Variants in THSD4 observed in about 807,000 individuals in gnomAD.
The protein encoded by THSD4 is thrombospondin type-1 domain-containing protein 4.
In THSD4, 69 loss-of-function variants were observed where a neutral mutation model predicts 119.0. The observed-to-expected ratio is 0.58, with a 90% CI of 0.48 to 0.71. THSD4 has a LOEUF of 0.71. Ranked by LOEUF, THSD4 falls within the 30% of genes least tolerant of loss-of-function variation. The pLI is 0.00. For synonymous variants in THSD4, 524 were observed against 540.4 expected (o/e 0.97, Z 0.42); for missense variants, 1,393 against 1,391.1 (o/e 1.00, Z -0.02).
At chr15:71,355,709 C>T (rs1252093411) in intron 6 of THSD4, among the ~76,000 whole-genome samples, 2 of 152,008 alleles carry the variant, frequency 1.3e-5, no homozygotes, top group Non-Finnish European at 2.9e-5. Flanking sequence ...GTGGAGAGCT[C>T]AATTAATGGA....
At chr15:71,341,482 G>C (rs1168592628) in intron 6 of THSD4, 3 of 1,613,322 alleles carry the variant, frequency 1.9e-6, no homozygotes, top group Non-Finnish European at 2.5e-6. Flanking sequence ...CTTGTGTCCA[G>C]CCCCACTGCT....
intron 7 of THSD4, among the ~76,000 whole-genome samples, chr15:71,478,234 C>G (rs753941425): frequency 2.6e-5 from 4 of 152,160 alleles, no homozygotes; most frequent in Non-Finnish European, 5.9e-5. Flanking sequence ...AGACCTGCCT[C>G]TAGGAAGTAT....
intron 7 of THSD4, among the ~76,000 whole-genome samples, chr15:71,487,915 T>C (rs1304894485): frequency 6.6e-6 from 1 of 152,040 alleles, no homozygotes; most frequent in African/African-American, 2.4e-5. Context: ...TTAATTTTTT[T>C]CCTCTTTGGG....
chr15:71,510,793 G>A (rs1471716377), intron 7 of THSD4, among the ~76,000 whole-genome samples: 10 of 152,026 alleles, frequency 6.6e-5, no homozygotes, highest in Non-Finnish European at 1.5e-5. Flanking sequence ...GCATTGTGAA[G>A]GATAATTAAA....
At chr15:71,712,985 T>C (rs1375765418) in intron 8 of THSD4, among the ~76,000 whole-genome samples, 1 of 152,190 alleles carries the variant, frequency 6.6e-6, no homozygotes, top group Non-Finnish European at 1.5e-5. Flanking sequence ...ACATCAAGTT[T>C]ACATCTGTAA....
chr15:71,122,929 G>A (rs1350981737), intron 1 of THSD4, among the ~76,000 whole-genome samples: 2 of 152,346 alleles, frequency 1.3e-5, no homozygotes, highest in Non-Finnish European at 2.9e-5. Context: ...AGAGTGGTCC[G>A]TGCTGCTCAT....
chr15:71,587,479 T>C (rs944010735), intron 7 of THSD4, among the ~76,000 whole-genome samples: 4 of 116,210 alleles, frequency 3.4e-5, no homozygotes, highest in Admixed American at 1.0e-4. Flanking sequence ...TGTAGGGACA[T>C]GGATGAAATT....
At chr15:71,492,990 A>G (rs2047945895) in intron 7 of THSD4, among the ~76,000 whole-genome samples, 1 of 152,162 alleles carries the variant, frequency 6.6e-6, no homozygotes, top group Non-Finnish European at 1.5e-5. Context: ...CTACCCATCA[A>G]ACTTTCCAAA....
chr15:71,305,174 G>T (rs1201526763), intron 6 of THSD4, among the ~76,000 whole-genome samples: 2 of 152,268 alleles, frequency 1.3e-5, no homozygotes, highest in African/African-American at 2.4e-5. Context: ...TTGGCTAATC[G>T]TATACCAACA....
chr15:71,653,088 C>T (rs1377351243), intron 7 of THSD4, among the ~76,000 whole-genome samples: 1 of 152,164 alleles, frequency 6.6e-6, no homozygotes, highest in South Asian at 2.1e-4. Context: ...TCTTTTGATT[C>T]TTCAACCAGC....
intron 8 of THSD4, among the ~76,000 whole-genome samples, chr15:71,699,194 C>G (rs995250886): frequency 4.8e-5 from 7 of 144,836 alleles, no homozygotes; most frequent in Admixed American, 4.1e-4. Context: ...AAGGTGTATA[C>G]ATTAAATAGC....
chr15:71,521,729 G>A (rs1239138089), intron 7 of THSD4, among the ~76,000 whole-genome samples: 1 of 152,122 alleles, frequency 6.6e-6, no homozygotes, highest in East Asian at 1.9e-4. Context: ...CTCACCTGGT[G>A]GATCAGATTT....
At chr15:71,259,118 A>T (rs1473066142) in intron 6 of THSD4, among the ~76,000 whole-genome samples, 1 of 151,666 alleles carries the variant, frequency 6.6e-6, no homozygotes, top group Non-Finnish European at 1.5e-5. Flanking sequence ...CGTCTCAAAA[A>T]AAAACAAAAA....
rs984765554 is a variant in THSD4 at position 71,411,734 on chromosome 15, C to A, written c.1063C>A (p.Arg355Ser). 1 of 1,613,940 alleles carries A rather than the reference C, an allele frequency of 6.2e-7. No homozygotes were observed. The highest frequency in any genetic ancestry group is 8.5e-7 in the Non-Finnish European group (1 of 1,180,012). Reference sequence around the variant, plus strand: ...GTTGAACTGCCAGGCAATGGGCTACCGCTTCTATGTACGGCAAGCTGAGAA... The same window carrying A: ...GTTGAACTGCCAGGCAATGGGCTACAGCTTCTATGTACGGCAAGCTGAGAA... ...CELNCQAMGY[R>S]FYVRQAEKVI... The change falls in exon 7 of 18, where the codon CGC becomes AGC. Residue 355 changes from arginine to serine, a missense_variant. Arg to Ser is a moderately radical substitution (Grantham distance 110, BLOSUM62 -1). Transcript: ENST00000261862.
intron 5 of THSD4, among the ~76,000 whole-genome samples, chr15:71,245,742 C>T (rs1276183939): frequency 6.6e-6 from 1 of 152,140 alleles, no homozygotes; most frequent in Non-Finnish European, 1.5e-5. Flanking sequence ...ATCAAAATTC[C>T]AGACTCCTAA....
chr15:71,484,314 C>T (rs1282879395), intron 7 of THSD4, among the ~76,000 whole-genome samples: 1 of 152,174 alleles, frequency 6.6e-6, no homozygotes, highest in Non-Finnish European at 1.5e-5. Flanking sequence ...TAGAAGGGCC[C>T]ACATGCTGCT....
chr15:71,641,539 C>A, intron 7 of THSD4, among the ~76,000 whole-genome samples: 1 of 151,986 alleles, frequency 6.6e-6, no homozygotes, highest in East Asian at 1.9e-4. Context: ...AAAGGTTATG[C>A]GTCTTGCCTG....
At chr15:71,156,340 C>T (rs994283105) in intron 3 of THSD4, among the ~76,000 whole-genome samples, 25 of 151,936 alleles carry the variant, frequency 1.6e-4, no homozygotes, top group African/African-American at 5.8e-4. Flanking sequence ...TCACTGCAAC[C>T]TCCGCCTCCT....
chr15:71,339,270 C>T (rs111756562), intron 6 of THSD4, among the ~76,000 whole-genome samples: 1,530 of 152,198 alleles, frequency 0.01, 12 homozygotes, highest in Middle Eastern at 0.017. Context: ...CAAACTGTTA[C>T]TTCTGCCTGA....
Sources: gnomAD v4.1 joint callset for allele counts (sites outside exome capture counted in the v4.1 genomes callset) on GRCh38, gnomAD v4.1.1 for gene constraint, MANE v1.5 for transcripts, NCBI Gene and HGNC (gene_info 2026-07-23, HGNC 2026-07-21) for gene names.